OTUD7A: variants seen among roughly 807,000 people sequenced by gnomAD.
The protein encoded by OTUD7A is OTU deubiquitinase 7A.
OTUD7A carries 12 observed loss-of-function variants against 65.7 expected under a neutral mutation model. That is an observed-to-expected ratio of 0.18 (90% CI 0.12 to 0.30). The LOEUF (loss-of-function observed/expected upper bound fraction) is 0.30, where lower values mean the gene tolerates loss of function less well. Ranked by LOEUF, OTUD7A falls within the 10% of genes least tolerant of loss-of-function variation. OTUD7A has a pLI of 1.00. For synonymous variants in OTUD7A, 641 were observed against 586.3 expected (o/e 1.09, Z -1.35); for missense variants, 1,148 against 1,304.8 (o/e 0.88, Z 1.85).
At chr15:31,580,614 T>G (rs1437091002) in intron 3 of OTUD7A, among the ~76,000 whole-genome samples, 1 of 152,154 alleles carries the variant, frequency 6.6e-6, no homozygotes, top group Non-Finnish European at 1.5e-5. Context: ...TGGGGAGGCC[T>G]GACAATCATG....
intron 3 of OTUD7A, among the ~76,000 whole-genome samples, chr15:31,574,137 T>A (rs200075698): frequency 6.6e-6 from 1 of 152,160 alleles, no homozygotes; most frequent in East Asian, 1.9e-4. Context: ...GGATATTACA[T>A]AAAGGCAAAC....
chr15:31,501,910 C>A, intron 9 of OTUD7A, 71 bp from the exon 10 acceptor site: 1 of 1,508,424 alleles, frequency 6.6e-7, no homozygotes, highest in Admixed American at 1.9e-5. Flanking sequence ...CCCCTGCATC[C>A]CTGTCCCTCA....
intron 1 of OTUD7A, among the ~76,000 whole-genome samples, chr15:31,839,657 G>A (rs575404174): frequency 9.5e-4 from 144 of 152,050 alleles, no homozygotes; most frequent in Middle Eastern, 3.2e-3. Context: ...GGGACATCCC[G>A]GCTCCATTGA....
chr15:31,857,244 G>A (rs992708877), intron 1 of OTUD7A, among the ~76,000 whole-genome samples: 5 of 152,178 alleles, frequency 3.3e-5, no homozygotes, highest in South Asian at 4.1e-4. Context: ...AATAGCCAAC[G>A]AGAGCCCACG....
chr15:31,808,291 T>C (rs1444011187), intron 1 of OTUD7A, among the ~76,000 whole-genome samples: 2 of 152,070 alleles, frequency 1.3e-5, no homozygotes, highest in African/African-American at 2.4e-5. Context: ...GCCTTTCCAT[T>C]ACAGGAGCCC....
chr15:31,655,144 C>T lies in OTUD7A; in HGVS notation c.103G>A (p.Val35Ile), dbSNP rs202241941. 2.7e-5 allele frequency: 42 copies of T among 1,545,392 alleles called. No individual in the cohort carries two copies. Among genetic ancestry groups the T allele is most frequent in the Non-Finnish European group, 8.7e-7 (1 of 1,151,320 alleles). The change falls in exon 3 of 13, where the codon GTT (valine) becomes ATT (isoleucine). Residue 35 changes from valine to isoleucine, a missense_variant. Transcript: ENST00000307050. Reference sequence around the variant, plus strand: ...CCAGGTTCTGCCCCCGTGGACCGAACAAAGTCTGACAGGACTGCGTCCATA... The same window carrying T: ...CCAGGTTCTGCCCCCGTGGACCGAATAAAGTCTGACAGGACTGCGTCCATA... Reference protein sequence around the residue: ...LDMDAVLSDFVRSTGAEPGLA... With the variant: ...LDMDAVLSDFIRSTGAEPGLA...
intron 4 of OTUD7A, among the ~76,000 whole-genome samples, chr15:31,561,690 T>A (rs368232002): frequency 2.0e-5 from 3 of 152,070 alleles, no homozygotes; most frequent in Non-Finnish European, 4.4e-5. Context: ...GCGTTGAAGA[T>A]CATATAAAAT....
At chr15:31,840,026 C>G (rs1185760936) in intron 1 of OTUD7A, among the ~76,000 whole-genome samples, 2 of 152,070 alleles carry the variant, frequency 1.3e-5, no homozygotes, top group Non-Finnish European at 2.9e-5. Context: ...AAAATAAAAT[C>G]TCTTTTTAAA....
intron 1 of OTUD7A, among the ~76,000 whole-genome samples, chr15:31,843,525 A>G (rs974526837): frequency 2.6e-5 from 4 of 152,184 alleles, no homozygotes; most frequent in African/African-American, 9.7e-5. Context: ...CAATTACAGC[A>G]GCCTTCTAGG....
At chr15:31,703,494 C>G (rs1893259916) in intron 1 of OTUD7A, among the ~76,000 whole-genome samples, 2 of 151,776 alleles carry the variant, frequency 1.3e-5, no homozygotes, top group African/African-American at 4.8e-5. Context: ...CCTTAGCCAT[C>G]AAGGAAATGC....
At chr15:31,522,165 C>A (rs1461830566) in intron 8 of OTUD7A, among the ~76,000 whole-genome samples, 1 of 152,164 alleles carries the variant, frequency 6.6e-6, no homozygotes, top group Non-Finnish European at 1.5e-5. Flanking sequence ...CTGCATGTGT[C>A]TGTGAGGGCA....
At chr15:31,780,200 T>A (rs560177097) in intron 1 of OTUD7A, among the ~76,000 whole-genome samples, 1 of 152,288 alleles carries the variant, frequency 6.6e-6, no homozygotes, top group East Asian at 1.9e-4. Context: ...TTCACTCACA[T>A]CAAGAGATTT....
At chr15:31,511,222 C>T (rs181753083) in intron 8 of OTUD7A, among the ~76,000 whole-genome samples, 470 of 2,730 alleles carry the variant, frequency 0.17, 200 homozygotes, top group East Asian at 0.41. Context: ...AACACACATA[C>T]ATATGTATAT....
chr15:31,623,529 T>C (rs374852422), intron 3 of OTUD7A, among the ~76,000 whole-genome samples: 1 of 152,260 alleles, frequency 6.6e-6, no homozygotes, highest in African/African-American at 2.4e-5. Context: ...GTGCTAGCAA[T>C]GAGCGAGGCT....
intron 1 of OTUD7A, among the ~76,000 whole-genome samples, chr15:31,743,815 G>A (rs1894405109): frequency 1.3e-5 from 2 of 151,868 alleles, no homozygotes; most frequent in Non-Finnish European, 1.5e-5. Context: ...AGATTCATAA[G>A]ACCGGTAAAC....
In OTUD7A at chr15:31,483,129, G is replaced by A. The variant is rs1460310656; in HGVS notation, c.*165C>T. ...TCCGTCTACTACCTGAGTGGCGTCAGTGTAGGTTCAGGCACCATTAGGAAC... is the reference window on the plus strand; with the variant it reads ...TCCGTCTACTACCTGAGTGGCGTCAATGTAGGTTCAGGCACCATTAGGAAC... On this transcript the variant is annotated 3_prime_UTR_variant, in exon 13 of 13. Transcript: ENST00000307050. The A allele has an allele frequency of 1.7e-6, 1 of 587,726 alleles. No homozygotes were observed. Among genetic ancestry groups the A allele is most frequent in the Non-Finnish European group, 2.2e-6 (1 of 459,406 alleles). The allele number at this position is 587,726 out of a possible 1,614,324, so 36.4% of individuals were successfully genotyped here.
intron 1 of OTUD7A, among the ~76,000 whole-genome samples, chr15:31,664,560 C>T (rs1289453054): frequency 6.6e-6 from 1 of 151,836 alleles, no homozygotes. Flanking sequence ...GATATTAGTC[C>T]TTTGTCAGAT....
chr15:31,618,636 T>G (rs1219196816), intron 3 of OTUD7A, among the ~76,000 whole-genome samples: 1 of 152,224 alleles, frequency 6.6e-6, no homozygotes, highest in Non-Finnish European at 1.5e-5. Context: ...GTTTTTTTCT[T>G]TTAAATTTGT....
intron 1 of OTUD7A, among the ~76,000 whole-genome samples, chr15:31,764,044 C>T (rs566122235): frequency 3.9e-5 from 6 of 152,206 alleles, no homozygotes; most frequent in Non-Finnish European, 7.4e-5. Context: ...GTTTCTCAGA[C>T]AAGAGTGACA....
Sources: gnomAD v4.1 joint callset for allele counts (sites outside exome capture counted in the v4.1 genomes callset) on GRCh38, gnomAD v4.1.1 for gene constraint, MANE v1.5 for transcripts, NCBI Gene and HGNC (gene_info 2026-07-23, HGNC 2026-07-21) for gene names.